The following SEC63 variants were observed in gnomAD, a reference collection of about 807,000 sequenced individuals.
The protein encoded by SEC63 is translocation protein SEC63 homolog.
In SEC63, 56 loss-of-function variants were observed where a neutral mutation model predicts 116.2. That is an observed-to-expected ratio of 0.48 (90% CI 0.39 to 0.60). The LOEUF (loss-of-function observed/expected upper bound fraction) is 0.60, where lower values mean the gene tolerates loss of function less well. Among genes scored for constraint, SEC63 ranks in the 20% least tolerant of loss-of-function variants. The probability of loss-of-function intolerance (pLI) is 0.00; values close to 1 mark genes in which losing one functional copy is unlikely to be tolerated. For missense variants in SEC63, 668 were observed against 900.0 expected (o/e 0.74, Z 3.30); for synonymous variants, 273 against 294.6 (o/e 0.93, Z 0.75).
At chr6:107,939,781 T>A (rs1770334551) in intron 1 of SEC63, among the ~76,000 whole-genome samples, 1 of 151,994 alleles carries the variant, frequency 6.6e-6, no homozygotes, top group African/African-American at 2.4e-5. Context: ...AAAAAAAAAT[T>A]TTTAAAAACA....
At chr6:107,935,982 A>T (rs1176170798) in intron 1 of SEC63, among the ~76,000 whole-genome samples, 1 of 152,186 alleles carries the variant, frequency 6.6e-6, no homozygotes, top group African/African-American at 2.4e-5. Context: ...AAATACCACT[A>T]GTGATTTTTA....
At chr6:107,944,430 G>T (rs1278583829) in intron 1 of SEC63, among the ~76,000 whole-genome samples, 1 of 152,176 alleles carries the variant, frequency 6.6e-6, no homozygotes, top group Non-Finnish European at 1.5e-5. Context: ...AGGTGCAGCG[G>T]CTCATGCCTG....
intron 16 of SEC63, among the ~76,000 whole-genome samples, chr6:107,891,870 G>A (rs1786690901): frequency 6.6e-6 from 1 of 152,232 alleles, no homozygotes; most frequent in African/African-American, 2.4e-5. Flanking sequence ...CTCTTTGCCT[G>A]GGTATCACCA....
At chr6:107,886,845 GT>G (rs34959288) in intron 16 of SEC63, among the ~76,000 whole-genome samples, 17,110 of 127,904 alleles carry the variant, frequency 0.13, 893 homozygotes, top group East Asian at 0.21. Context: ...GTTTTTTTGG[GT>G]TTTTTTTTTT....
At chr6:107,911,256 C>T (rs2114458408) in intron 7 of SEC63, 90 bp downstream of exon 7, 1 of 885,994 alleles carries the variant, frequency 1.1e-6, no homozygotes, top group Admixed American at 1.9e-5. Flanking sequence ...GGGTTATATT[C>T]TAACATACAT....
chr6:107,922,243 G>T (rs1437433741), intron 3 of SEC63, among the ~76,000 whole-genome samples: 1 of 152,242 alleles, frequency 6.6e-6, no homozygotes, highest in African/African-American at 2.4e-5. Context: ...GCCAGGCACA[G>T]CCTGTAATCC....
chr6:107,880,378 A>G (rs1371941778), intron 18 of SEC63, among the ~76,000 whole-genome samples: 1 of 152,246 alleles, frequency 6.6e-6, no homozygotes, highest in East Asian at 1.9e-4. Context: ...TCTGTGGAAC[A>G]GTTTCCCGAA....
At chr6:107,932,108 C>T in intron 1 of SEC63, 1 of 180,772 alleles carries the variant, frequency 5.5e-6, no homozygotes, top group Non-Finnish European at 1.1e-5. Context: ...CCAACCAGAT[C>T]AAACAGGCTG....
Position 107,958,095 on chromosome 6 carries a change from G to A in SEC63, c.-86C>T, listed in dbSNP as rs1736463880. The A allele has an allele frequency of 6.3e-7, 1 of 1,583,814 alleles. No individual in the cohort carries two copies. Among genetic ancestry groups the A allele is most frequent in the Admixed American group, 1.7e-5 (1 of 59,164 alleles). ...CCGCTCCCAACGCCCCGGCCCGAGT[G>A]GCGTAGCTTGGACACTGCCGCCGCC... On this transcript the variant is annotated 5_prime_UTR_variant, in exon 1 of 21. Coordinates refer to ENST00000369002, the MANE Select transcript of SEC63 (RefSeq NM_007214.5).
At chr6:107,950,022 C>G (rs1770547217) in intron 1 of SEC63, among the ~76,000 whole-genome samples, 2 of 152,116 alleles carry the variant, frequency 1.3e-5, no homozygotes, top group African/African-American at 4.8e-5. Context: ...AGCACCTGAT[C>G]CAACTACGTC....
At chr6:107,878,802 C>A (rs573349595) in intron 18 of SEC63, among the ~76,000 whole-genome samples, 1 of 152,030 alleles carries the variant, frequency 6.6e-6, no homozygotes, top group South Asian at 2.1e-4. Flanking sequence ...TTGCAGTGAG[C>A]CAAGATTGCG....
chr6:107,900,744 T>C (rs1786982322), intron 13 of SEC63, among the ~76,000 whole-genome samples: 1 of 152,180 alleles, frequency 6.6e-6, no homozygotes, highest in Non-Finnish European at 1.5e-5. Flanking sequence ...TAATAGTAAC[T>C]TAGCAAATGT....
At chr6:107,945,188 G>A (rs376938029) in intron 1 of SEC63, among the ~76,000 whole-genome samples, 1 of 122 alleles carries the variant, frequency 8.2e-3, no homozygotes, top group Admixed American at 0.25. Flanking sequence ...AACAGAGCGA[G>A]ACTCCGTCTC....
At chr6:107,919,993 C>A (rs1787516116) in intron 4 of SEC63, among the ~76,000 whole-genome samples, 1 of 152,108 alleles carries the variant, frequency 6.6e-6, no homozygotes, top group African/African-American at 2.4e-5. Flanking sequence ...TAACCACTAT[C>A]CTGATCAGTC....
rs1562309453 is a variant in SEC63 at position 107,869,339 on chromosome 6, G to C, written c.*2365C>G. 3 of 152,142 alleles carry C rather than the reference G, an allele frequency of 2.0e-5. No individual in the cohort carries two copies. Among genetic ancestry groups the C allele is most frequent in the South Asian group, 2.1e-4 (1 of 4,832 alleles). The allele number at this position is 152,142 out of a possible 1,614,324, so 9.4% of individuals were successfully genotyped here. On this transcript the variant is annotated 3_prime_UTR_variant, in exon 21 of 21. Coordinates refer to ENST00000369002, the MANE Select transcript of SEC63 (RefSeq NM_007214.5). ...CACAACTGCTACACTTTGAATTGTG[G>C]TAAGTCTCCTCATGAACAGCTGTAT...
intron 18 of SEC63, chr6:107,876,896 T>TA: frequency 2.1e-6 from 1 of 465,360 alleles, no homozygotes; most frequent in South Asian, 2.6e-5. Context: ...AATAGCTCCT[T>TA]AAAACCTATT....
At chr6:107,927,412 T>C (rs1787699975) in intron 2 of SEC63, among the ~76,000 whole-genome samples, 1 of 152,156 alleles carries the variant, frequency 6.6e-6, no homozygotes, top group Admixed American at 6.5e-5. Context: ...CATGCCTTAG[T>C]TTCGCACATG....
chr6:107,876,466 TA>T, intron 19 of SEC63, 97 bp downstream of exon 19: 1 of 807,586 alleles, frequency 1.2e-6, no homozygotes, highest in Non-Finnish European at 2.2e-6. Flanking sequence ...TACAATATGC[TA>T]AATATGATAA....
chr6:107,917,463 A>G (rs780391110), intron 4 of SEC63, among the ~76,000 whole-genome samples: 1 of 152,132 alleles, frequency 6.6e-6, no homozygotes, highest in Non-Finnish European at 1.5e-5. Flanking sequence ...GTTTAAACGA[A>G]AAAAGACTCA....
Sources: gnomAD v4.1 joint callset for allele counts (sites outside exome capture counted in the v4.1 genomes callset) on GRCh38, gnomAD v4.1.1 for gene constraint, MANE v1.5 for transcripts, NCBI Gene and HGNC (gene_info 2026-07-23, HGNC 2026-07-21) for gene names.